Variants in VWA3B observed in about 807,000 individuals in gnomAD.
The protein encoded by VWA3B is von Willebrand factor A domain containing 3B, also known as von Willebrand factor A domain-containing protein 3B.
Under a neutral mutation model 158.3 loss-of-function variants are expected in VWA3B, and 138 were observed. The ratio of observed to expected loss-of-function variants is 0.87; its 90% CI spans 0.76 to 1.00. The LOEUF is 1.00. VWA3B is among the 50% of genes least tolerant of loss of function. VWA3B has a pLI of 0.00. For synonymous variants in VWA3B, 596 were observed against 587.3 expected, an observed-to-expected ratio of 1.01 and a Z score of -0.21; for missense variants, 1,555 against 1,565.1, an observed-to-expected ratio of 0.99 and a Z score of 0.11.
At chr2:98,231,479 A>G (rs1221753860) in intron 16 of VWA3B, among the ~76,000 whole-genome samples, 1 of 152,210 alleles carries the variant, frequency 6.6e-6, no homozygotes, top group Non-Finnish European at 1.5e-5. Flanking sequence ...TGATTTGACA[A>G]AGGTGCAAAA....
Position 98,177,792 on chromosome 2 carries a change from C to G in VWA3B, c.1115-3224C>G, listed in dbSNP as rs112066267. 1.8e-4 allele frequency among the ~76,000 whole-genome samples: 28 copies of G among 152,112 alleles called. 1 individual carries two copies. The highest frequency in any genetic ancestry group is 6.5e-4 in the African/African-American group (27 of 41,472). ...GTCTCTGACTCTTTCAAAACCCTTG[C>G]GAGGATTGGTTCGAATGTGTTTTTA... On this transcript the variant is annotated intron_variant, in intron 8 of 27. Coordinates refer to ENST00000477737, the MANE Select transcript of VWA3B (RefSeq NM_144992.5).
At chr2:98,180,467 TTGGCGTGAGCCACCA>T in intron 8 of VWA3B, among the ~76,000 whole-genome samples, 2 of 152,362 alleles carry the variant, frequency 1.3e-5, no homozygotes, top group Admixed American at 1.3e-4. Flanking sequence ...GTTGGGATTA[TTGGCGTGAGCCACCA>T]TGCCTGGCCT....
At chr2:98,119,283 ATTT>A (rs1674771085) in intron 3 of VWA3B, among the ~76,000 whole-genome samples, 1 of 152,172 alleles carries the variant, frequency 6.6e-6, no homozygotes, top group African/African-American at 2.4e-5. Flanking sequence ...CTGGAAAGAT[ATTT>A]TTTAAGGACT....
intron 12 of VWA3B, among the ~76,000 whole-genome samples, chr2:98,195,425 A>G (rs1217692512): frequency 6.6e-6 from 1 of 152,232 alleles, no homozygotes; most frequent in Non-Finnish European, 1.5e-5. Context: ...ACTTGTTTTT[A>G]AAACTGGGAG....
At chr2:98,210,897 T>G (rs1683453561) in intron 12 of VWA3B, among the ~76,000 whole-genome samples, 1 of 152,148 alleles carries the variant, frequency 6.6e-6, no homozygotes, top group Non-Finnish European at 1.5e-5. Context: ...AGATGGCAGG[T>G]CCAGCAGAGA....
intron 8 of VWA3B, among the ~76,000 whole-genome samples, chr2:98,165,400 A>G (rs1678983221): frequency 6.6e-6 from 1 of 152,172 alleles, no homozygotes; most frequent in Admixed American, 6.5e-5. Context: ...TGTAATCAGG[A>G]TGTCTGATTA....
chr2:98,269,270 TTCTGGGGATGTG>T (rs1365205373), intron 21 of VWA3B: 1 of 152,144 alleles, frequency 6.6e-6, no homozygotes, highest in East Asian at 1.9e-4. Context: ...CTGAAACCTT[TTCTGGGGATGTG>T]TCTTCTCTGG....
downstream of VWA3B, among the ~76,000 whole-genome samples, chr2:98,315,480 C>G (rs1461151752): frequency 1.3e-5 from 2 of 152,132 alleles, no homozygotes; most frequent in Non-Finnish European, 2.9e-5. Context: ...AAGGTGAATC[C>G]TTGAAACAGA....
rs766527320 is a variant in VWA3B at position 98,228,321 on chromosome 2, T to C, written c.2139T>C (p.Asp713=). The C allele has an allele frequency of 6.2e-7, 1 of 1,613,362 alleles. No homozygotes were observed. Among genetic ancestry groups the C allele is most frequent in the Non-Finnish European group, 8.5e-7 (1 of 1,179,598 alleles). Residue 713 remains aspartate (D), a synonymous_variant, in exon 15 of 28, where the codon GAT becomes GAC. Coordinates refer to ENST00000477737, the MANE Select transcript of VWA3B (RefSeq NM_144992.5). ...IMDWWYNAEK[D]GDSKHQKEIC... ...ACTGGTGGTACAATGCAGAAAAGGA[T>C]GGAGACAGCAAGTGAGCACCTCTGC...
chr2:98,330,318 C>G, the VWA3B span, among the ~76,000 whole-genome samples: 1 of 152,182 alleles, frequency 6.6e-6, no homozygotes, highest in African/African-American at 2.4e-5. Flanking sequence ...GGTCCGGAGA[C>G]TTATAGTCCC....
At chr2:98,264,841 T>C (rs1687699314) in intron 21 of VWA3B, among the ~76,000 whole-genome samples, 1 of 152,106 alleles carries the variant, frequency 6.6e-6, no homozygotes, top group South Asian at 2.1e-4. Flanking sequence ...TGCTGTCTAT[T>C]TCTTCAGTTC....
At position 98,242,386 on chromosome 2, in the gene VWA3B, T is replaced by A. The variant is rs1156924955; in HGVS notation, c.2673+5656T>A. On this transcript the variant is annotated intron_variant, in intron 19 of 27. Coordinates refer to ENST00000477737, the MANE Select transcript of VWA3B (RefSeq NM_144992.5). ...TTTTATCTTAGCTCTTTCAAAAAGA[T>A]TAACTCTTCCCCAAGTCATATACAC... The A allele has an allele frequency of 6.7e-6, 3 of 450,776 alleles. No homozygotes were observed. In the East Asian group the frequency reaches 2.1e-4, roughly 31 times the overall value. 27.9% of individuals were successfully genotyped at this position (450,776 alleles called of 1,614,324 possible).
intron 25 of VWA3B, among the ~76,000 whole-genome samples, chr2:98,300,767 G>GCA (rs1163952428): frequency 1.1e-4 from 16 of 152,066 alleles, no homozygotes; most frequent in Non-Finnish European, 1.8e-4. Flanking sequence ...TCCTCCTGGA[G>GCA]CACTCCCTCA....
chr2:98,317,281 G>A (rs1412718545), downstream of VWA3B, among the ~76,000 whole-genome samples: 4 of 152,120 alleles, frequency 2.6e-5, no homozygotes, highest in African/African-American at 9.7e-5. Flanking sequence ...AACGTTTTAT[G>A]AGGCTTGAAA....
At chr2:98,178,513 T>C (rs1680206072) in intron 8 of VWA3B, among the ~76,000 whole-genome samples, 1 of 152,202 alleles carries the variant, frequency 6.6e-6, no homozygotes, top group Non-Finnish European at 1.5e-5. Flanking sequence ...CCCTTAAATA[T>C]AGTAATAGGA....
intron 25 of VWA3B, among the ~76,000 whole-genome samples, chr2:98,302,656 G>A (rs1690269402): frequency 6.6e-6 from 1 of 152,164 alleles, no homozygotes; most frequent in Non-Finnish European, 1.5e-5. Context: ...CTGATTTCCA[G>A]AAAAGGAATT....
chr2:98,113,663 A>G (rs1005082597), intron 2 of VWA3B, among the ~76,000 whole-genome samples: 5 of 151,874 alleles, frequency 3.3e-5, no homozygotes, highest in African/African-American at 9.7e-5. Flanking sequence ...ATCACCTCAA[A>G]AAGAAACTCT....
chr2:98,246,676 C>G (rs1306386984), intron 19 of VWA3B, among the ~76,000 whole-genome samples: 1 of 152,092 alleles, frequency 6.6e-6, no homozygotes, highest in East Asian at 1.9e-4. Flanking sequence ...GCCACCCCAC[C>G]CAGCCTATTT....
chr2:98,282,629 G>T (rs1688951685), intron 22 of VWA3B, among the ~76,000 whole-genome samples: 1 of 151,882 alleles, frequency 6.6e-6, no homozygotes, highest in South Asian at 2.1e-4. Flanking sequence ...AGTAGAGACA[G>T]GGTTTTGCCA....
Sources: allele counts gnomAD v4.1 joint callset (sites outside exome capture counted in the v4.1 genomes callset), GRCh38; gene constraint gnomAD v4.1.1; transcripts MANE v1.5; gene names NCBI Gene and HGNC (gene_info 2026-07-23, HGNC 2026-07-21).